WDFY3: variants seen among roughly 807,000 people sequenced by gnomAD.
WDFY3 encodes WD repeat and FYVE domain-containing protein 3.
Under a neutral mutation model 409.6 loss-of-function variants are expected in WDFY3, and 66 were observed. That is an observed-to-expected ratio of 0.16 (90% confidence interval 0.13 to 0.20). WDFY3 has a LOEUF of 0.20. WDFY3 is among the 10% of genes least tolerant of loss of function. WDFY3 has a pLI of 1.00. For missense variants in WDFY3, 3,031 were observed against 4,298.1 expected (o/e 0.71, Z 8.24); for synonymous variants, 1,521 against 1,537.1 (o/e 0.99, Z 0.25).
At chr4:84,886,139 C>T (rs1470902434) in intron 3 of WDFY3, among the ~76,000 whole-genome samples, 5 of 152,058 alleles carry the variant, frequency 3.3e-5, no homozygotes, top group Admixed American at 3.3e-4. Flanking sequence ...TTTACATGGA[C>T]ACATATTAAC....
intron 2 of WDFY3, among the ~76,000 whole-genome samples, chr4:84,910,544 G>C (rs1211184692): frequency 6.6e-6 from 1 of 152,060 alleles, no homozygotes. Flanking sequence ...CAACAAGAGA[G>C]CCAAGACTAT....
chr4:84,758,560 T>C (rs1741868403), intron 32 of WDFY3, among the ~76,000 whole-genome samples: 1 of 152,176 alleles, frequency 6.6e-6, no homozygotes, highest in Non-Finnish European at 1.5e-5. Context: ...GATATCCATA[T>C]TTTTTTCAAC....
chr4:84,752,490 A>G (rs989172633), intron 35 of WDFY3, among the ~76,000 whole-genome samples: 4 of 151,182 alleles, frequency 2.6e-5, no homozygotes, highest in African/African-American at 9.7e-5. Flanking sequence ...TCGTGCCACC[A>G]TTGCACTCCA....
intron 3 of WDFY3, among the ~76,000 whole-genome samples, chr4:84,885,828 G>C (rs945423619): frequency 6.6e-6 from 1 of 152,100 alleles, no homozygotes; most frequent in African/African-American, 2.4e-5. Context: ...TGGATCTAAA[G>C]GGCAATTTTG....
intron 3 of WDFY3, among the ~76,000 whole-genome samples, chr4:84,863,878 C>T (rs1349554408): frequency 6.6e-6 from 1 of 152,128 alleles, no homozygotes; most frequent in Non-Finnish European, 1.5e-5. Context: ...TCTGGTGTCT[C>T]TATTCCATTT....
intron 32 of WDFY3, among the ~76,000 whole-genome samples, chr4:84,761,215 T>A (rs1742530249): frequency 6.6e-6 from 1 of 152,208 alleles, no homozygotes; most frequent in Non-Finnish European, 1.5e-5. Context: ...TGAGGACAGC[T>A]TTACTTCCAA....
At chr4:84,956,828 C>T (rs974342959) in intron 1 of WDFY3, among the ~76,000 whole-genome samples, 11 of 152,072 alleles carry the variant, frequency 7.2e-5, no homozygotes, top group Admixed American at 2.0e-4. Flanking sequence ...CATACACCTC[C>T]AAGCCTTGAG....
intron 46 of WDFY3, among the ~76,000 whole-genome samples, chr4:84,723,273 A>G (rs993769875): frequency 6.6e-6 from 1 of 152,258 alleles, no homozygotes; most frequent in Admixed American, 6.5e-5. Flanking sequence ...AGTCATAGTC[A>G]TCACATGAGA....
chr4:84,759,381 A>T (rs980484667), intron 32 of WDFY3, among the ~76,000 whole-genome samples: 3 of 152,170 alleles, frequency 2.0e-5, no homozygotes, highest in African/African-American at 4.8e-5. Context: ...TTGAATCGAT[A>T]AATTACCTTG....
At chr4:84,744,092 T>C (rs9306983) in intron 36 of WDFY3, among the ~76,000 whole-genome samples, 271 of 147,920 alleles carry the variant, frequency 1.8e-3, no homozygotes, top group Middle Eastern at 0.011. Context: ...GTTTATATTA[T>C]ATAATATATA....
Position 84,829,302 on chromosome 4 carries a change from A to C in WDFY3, c.770-112T>G, listed in dbSNP as rs549666635. ...CATTAAATTTTAACATATCTGTAAA[A>C]TACTATGAGATAAATGTAACACATT... On this transcript the variant is annotated intron_variant, in intron 8 of 67. Coordinates refer to ENST00000295888, the MANE Select transcript of WDFY3 (RefSeq NM_014991.6). 130 of 866,622 alleles carry C rather than the reference A, an allele frequency of 1.5e-4. No homozygotes were observed. The African/African-American group carries it at 2.1e-3, about 14-fold the overall frequency. The allele number at this position is 866,622 out of a possible 1,614,324, so 53.7% of individuals were successfully genotyped here.
chr4:84,946,108 T>C (rs926346000), intron 1 of WDFY3, among the ~76,000 whole-genome samples: 1 of 152,098 alleles, frequency 6.6e-6, no homozygotes, highest in South Asian at 2.1e-4. Context: ...TTCTATACAG[T>C]TGGAACTACC....
At chr4:84,722,320 C>G (rs537195275) in intron 46 of WDFY3, among the ~76,000 whole-genome samples, 1 of 151,968 alleles carries the variant, frequency 6.6e-6, no homozygotes, top group Non-Finnish European at 1.5e-5. Context: ...CTGGGAGGCA[C>G]AGGTTGCAGT....
chr4:84,857,534 G>C (rs183196882), intron 4 of WDFY3, among the ~76,000 whole-genome samples: 1 of 151,738 alleles, frequency 6.6e-6, no homozygotes, highest in Admixed American at 6.6e-5. Context: ...ACATCATGAC[G>C]TTAAAGTAAA....
intron 7 of WDFY3, 109 bp downstream of exon 7, chr4:84,836,820 A>G: frequency 1.0e-6 from 1 of 978,032 alleles, no homozygotes; most frequent in Non-Finnish European, 1.4e-6. Flanking sequence ...TACTATCATA[A>G]ATAAAATGAA....
intron 3 of WDFY3, among the ~76,000 whole-genome samples, chr4:84,878,263 T>G (rs1281674957): frequency 6.6e-6 from 1 of 152,074 alleles, no homozygotes; most frequent in Non-Finnish European, 1.5e-5. Flanking sequence ...AACAACATAC[T>G]GAGGACAAGG....
intron 22 of WDFY3, 76 bp downstream of exon 22, chr4:84,789,650 C>G (rs1269338854): frequency 7.3e-7 from 1 of 1,372,894 alleles, no homozygotes; most frequent in Non-Finnish European, 1.0e-6. Flanking sequence ...CACACACACA[C>G]ACACACACAC....
At chr4:84,702,332 C>T (rs1271884886) in intron 56 of WDFY3, 21 bp downstream of exon 56, 2 of 1,577,892 alleles carry the variant, frequency 1.3e-6, no homozygotes, top group South Asian at 2.4e-5. Flanking sequence ...ATTCCTAAGA[C>T]AGTGCCATAG....
Position 84,721,572 on chromosome 4 carries a change from C to T in WDFY3, c.7442G>A (p.Gly2481Asp). The change falls in exon 47 of 68, where the codon GGT becomes GAT. Residue 2481 changes from glycine (G) to aspartate (D), a missense_variant and splice_region_variant. Gly to Asp is a moderately conservative substitution (Grantham distance 94, BLOSUM62 -1). This residue lies in a region of WDFY3 where 127 missense variants were observed against 144.4 expected (regional missense o/e 0.88). Transcript: ENST00000295888. ...HGEDTIAKVK[G>D]LVKPPLKRSR... ...GCGTTTTAGAGGAGGCTTGACCAAA[C>T]CTACAGTATAATAACCAAGAGGGCC... 1 of 1,603,878 alleles carries T rather than the reference C, an allele frequency of 6.2e-7. No individual in the cohort carries two copies. The highest frequency in any genetic ancestry group is 8.5e-7 in the Non-Finnish European group (1 of 1,179,916).
Sources: allele counts gnomAD v4.1 joint callset (sites outside exome capture counted in the v4.1 genomes callset), GRCh38; gene constraint gnomAD v4.1.1; regional missense constraint gnomAD v4.1.1; transcripts MANE v1.5; gene names NCBI Gene and HGNC (gene_info 2026-07-23, HGNC 2026-07-21).